The following AGRN variants were observed in gnomAD, a reference collection of about 807,000 sequenced individuals.
The protein encoded by AGRN is agrin proteoglycan.
A neutral mutation model predicts 211.0 loss-of-function variants in AGRN; 106 were observed. That is an observed-to-expected ratio of 0.50 (90% CI 0.43 to 0.59). The LOEUF is 0.59. Among genes scored for constraint, AGRN ranks in the 20% least tolerant of loss-of-function variants. AGRN has a pLI of 0.00. For missense variants in AGRN, 3,040 were observed against 2,982.6 expected, an observed-to-expected ratio of 1.02 and a Z score of -0.45; for synonymous variants, 1,525 against 1,332.5, an observed-to-expected ratio of 1.14 and a Z score of -3.15.
At position 1,054,527 on chromosome 1, in the gene AGRN, G is replaced by A. The variant is rs148685959; in HGVS notation, c.5956G>A (p.Asp1986Asn). The A allele has an allele frequency of 9.4e-6, 15 of 1,601,038 alleles. No homozygotes were observed. Among genetic ancestry groups the A allele is most frequent in the Middle Eastern group, 2.0e-4 (1 of 4,932 alleles). Residue 1986 changes from aspartate to asparagine, a missense_variant, in exon 35 of 36, where the codon GAC (aspartate) becomes AAC (asparagine). Physicochemically the swap from Asp to Asn is conservative, Grantham distance 23. Transcript: ENST00000379370. The stretch of plus-strand genomic sequence containing the variant: ...CTCCCCGCTGGGCGCCACGCAGCTG[G>A]ACACTGATGGAGCCCTGTGGCTTGG... ...GSSPLGATQLDTDGALWLGGL... is the reference protein window; with the variant it reads ...GSSPLGATQLNTDGALWLGGL...
rs757015120 is a variant in AGRN, at chr1:1,047,786, C to T, written c.3642C>T (p.Phe1214=). 8.8e-5 allele frequency: 141 copies of T among 1,607,402 alleles called. 1 individual carries two copies. Among genetic ancestry groups the T allele is most frequent in the Middle Eastern group, 1.7e-4 (1 of 6,052 alleles). ...CTCCCTCCTCCCCAGCCACAGCCTT[C>T]AGGGCACCCGACGTGGCCCGGGCCC... ...VDVHFDPTTA[F]RAPDVARALL... Residue 1214 remains phenylalanine (F), a synonymous_variant, in exon 22 of 36, where the codon TTC becomes TTT. Transcript: ENST00000379370.
chr1:1,051,381 CG>C lies in AGRN; in HGVS notation c.5370+16del. ...GTGCCATCCAGCTGGTATGTGGGGG[CG>C]GGGCGTCCCAGCAGGGCCTCCGGGG... is the stretch of plus-strand genomic sequence containing the variant. On this transcript the variant is annotated intron_variant, in intron 31 of 35. Coordinates refer to ENST00000379370, the MANE Select transcript of AGRN (RefSeq NM_198576.4). 1.1e-6 allele frequency: 1 copy of C among 906,612 alleles called. No individual in the cohort carries two copies. 56.2% of individuals were successfully genotyped at this position (906,612 alleles called of 1,614,324 possible). A position where few individuals can be genotyped will look rare whatever the true frequency, so the allele number is the denominator to read the frequency against.
At chr1:1,052,791 T>C (rs1645343340) in intron 33 of AGRN, 1 of 152,212 alleles carries the variant, frequency 6.6e-6, no homozygotes, top group Non-Finnish European at 1.4e-5. Context: ...CATGGGTCCA[T>C]GTATGTGTGT....
chr1:1,025,090 G>A (rs1405422738), intron 2 of AGRN, among the ~76,000 whole-genome samples: 3 of 152,160 alleles, frequency 2.0e-5, no homozygotes, highest in East Asian at 1.9e-4. Context: ...ACTCCTGGCT[G>A]AGGGCCGGCC....
rs1645231844 is a variant in AGRN at position 1,050,019 on chromosome 1, G to A, written c.4861G>A (p.Gly1621Ser). ...GTGCGAGTGCCCCCTGGGGCGTGAG[G>A]GCACCTTCTGCCAGACAGGTCGGGG... The part of the protein sequence containing the change: ...AQCECPLGRE[G>S]TFCQTASGQD... The change falls in exon 27 of 36, where the codon GGC becomes AGC. Residue 1621 changes from glycine to serine, a missense_variant. Gly to Ser is a moderately conservative substitution (Grantham distance 56). Coordinates refer to ENST00000379370, the MANE Select transcript of AGRN (RefSeq NM_198576.4). 5 of 1,605,664 alleles carry A rather than the reference G, an allele frequency of 3.1e-6. No homozygotes were observed. Among genetic ancestry groups the A allele is most frequent in the African/African-American group, 1.3e-5 (1 of 74,698 alleles).
chr1:1,053,668 C>T (rs1645372400), intron 33 of AGRN, 85 bp from the exon 34 acceptor site: 1 of 1,508,062 alleles, frequency 6.6e-7, no homozygotes, highest in Non-Finnish European at 9.0e-7. Context: ...GTGGCCTCCG[C>T]AGCTGGGGCC....
intron 14 of AGRN, 92 bp from the exon 15 acceptor site, chr1:1,045,641 G>T: frequency 6.2e-7 from 1 of 1,608,652 alleles, no homozygotes; most frequent in Non-Finnish European, 8.5e-7. Flanking sequence ...GCTGGGGGCT[G>T]GGCAGAGCCA....
In AGRN at chr1:1,050,520, C is replaced by G. The variant is rs17160776; in HGVS notation, c.5070C>G (p.Phe1690Leu). ...AGAAGACGGACGGCAAGGGGGACTT[C>G]GTGTCGCTGGCACTGCGGGACCGCC... Reference protein sequence around the residue: ...NGQKTDGKGDFVSLALRDRRL... With the variant: ...NGQKTDGKGDLVSLALRDRRL... The change falls in exon 29 of 36, where the codon TTC (phenylalanine) becomes TTG (leucine). Residue 1690 changes from phenylalanine (F) to leucine (L), a missense_variant. Physicochemically the swap from Phe to Leu is conservative, Grantham distance 22. This residue lies in a region of AGRN where 1,537 missense variants were observed against 1,505.0 expected (regional missense o/e 1.02). Transcript: ENST00000379370. The G allele has an allele frequency of 6.2e-7, 1 of 1,612,708 alleles. No individual in the cohort carries two copies. The highest frequency in any genetic ancestry group is 1.3e-5 in the African/African-American group (1 of 74,878).
rs2710872 is a variant in AGRN at position 1,055,137 on chromosome 1, C to T, written c.*156C>T. 0.89 allele frequency: 1,087,929 copies of T among 1,228,496 alleles called. 482,475 individuals are homozygous for T. Among genetic ancestry groups the T allele is most frequent in the East Asian group, 1 (39,112 of 39,122 alleles). 76.1% of individuals were successfully genotyped at this position (1,228,496 alleles called of 1,614,324 possible). A position where few individuals can be genotyped will look rare whatever the true frequency, so the allele number is the denominator to read the frequency against. On this transcript the variant is annotated 3_prime_UTR_variant, in exon 36 of 36. Coordinates refer to ENST00000379370, the MANE Select transcript of AGRN (RefSeq NM_198576.4). ...GCCGTGCTGCAGACAGACCTAGTGC[C>T]GAGGGATGGACAGGCGAGGTGGCAG...
chr1:1,046,346 C>T (rs1282310903), intron 17 of AGRN, 51 bp from the exon 18 acceptor site: 4 of 1,605,080 alleles, frequency 2.5e-6, no homozygotes, highest in Non-Finnish European at 3.4e-6. Flanking sequence ...CGCCCTGAGC[C>T]ACCTGACCCT....
chr1:1,035,899 C>T (rs1217160340), intron 3 of AGRN, among the ~76,000 whole-genome samples: 1 of 152,080 alleles, frequency 6.6e-6, no homozygotes, highest in Non-Finnish European at 1.5e-5. Context: ...TGAGGTGGGG[C>T]CTGTCCTCCC....
rs200457562 is a variant in AGRN at position 1,045,277 on chromosome 1, A to G, written c.2371A>G (p.Ser791Gly). 6.2e-7 allele frequency: 1 copy of G among 1,611,732 alleles called. No individual in the cohort carries two copies. Among genetic ancestry groups the G allele is most frequent in the East Asian group, 2.2e-5 (1 of 44,852 alleles). ...ARGVGLAGCP[S>G]ACQCNPHGSY... is the part of the protein sequence containing the mutation. ...GGGCGTGGGCCTGGCTGGCTGCCCCAGTGAGTACCTGAGCTCAGCCCCGAC... is the reference window on the plus strand; with the variant it reads ...GGGCGTGGGCCTGGCTGGCTGCCCCGGTGAGTACCTGAGCTCAGCCCCGAC... The change falls in exon 13 of 36, where the codon AGT becomes GGT. Residue 791 changes from serine (S) to glycine (G), a missense_variant and splice_region_variant. Physicochemically the swap from Ser to Gly is moderately conservative, Grantham distance 56. Around this residue, in one of 3 missense-constraint regions of AGRN, gnomAD observed 1,498 missense variants for 1,457.8 expected, o/e 1.03. Transcript: ENST00000379370.
At chr1:1,039,203 G>A (rs1644869857) in intron 3 of AGRN, among the ~76,000 whole-genome samples, 1 of 152,190 alleles carries the variant, frequency 6.6e-6, no homozygotes, top group Admixed American at 6.5e-5. Context: ...CAGAAGAGGG[G>A]TGGGGGCACA....
chr1:1,044,311 C>T (rs1231134060), intron 11 of AGRN, 23 bp from the exon 12 acceptor site: 1 of 1,612,652 alleles, frequency 6.2e-7, no homozygotes, highest in Non-Finnish European at 8.5e-7. Flanking sequence ...GCTGCGGCCG[C>T]TCACACTGAC....
intron 3 of AGRN, among the ~76,000 whole-genome samples, chr1:1,039,807 G>A (rs1232816688): frequency 6.6e-6 from 1 of 152,078 alleles, no homozygotes; most frequent in African/African-American, 2.4e-5. Context: ...GTGGGGGGCC[G>A]GGGGATGCCC....
intron 12 of AGRN, among the ~76,000 whole-genome samples, chr1:1,044,706 A>G (rs1307973896): frequency 6.6e-6 from 1 of 152,144 alleles, no homozygotes; most frequent in Non-Finnish European, 1.5e-5. Flanking sequence ...CCGTGTGGGC[A>G]CTTTCTCTGC....
intron 17 of AGRN, 38 bp from the exon 18 acceptor site, chr1:1,046,359 C>T (rs1179855874): frequency 6.2e-7 from 1 of 1,601,174 alleles, no homozygotes; most frequent in Non-Finnish European, 8.5e-7. Flanking sequence ...CTGACCCTGT[C>T]CCAACCGGTC....
At position 1,050,277 on chromosome 1, in the gene AGRN, G is replaced by A. The variant is rs200051701; in HGVS notation, c.4924G>A (p.Gly1642Ser). 339 of 1,613,064 alleles carry A rather than the reference G, an allele frequency of 2.1e-4. No homozygotes were observed. Among genetic ancestry groups the A allele is most frequent in the Non-Finnish European group, 2.7e-4 (315 of 1,179,920 alleles). ...GSGPFLADFN[G>S]FSHLELRGLH... ...TGGGCCCTTCCTGGCTGACTTCAACGGCTTCTCCCACCTGGAGCTGAGAGG... is the reference window on the plus strand; with the variant it reads ...TGGGCCCTTCCTGGCTGACTTCAACAGCTTCTCCCACCTGGAGCTGAGAGG... The change falls in exon 28 of 36, where the codon GGC becomes AGC. Residue 1642 changes from glycine to serine, a missense_variant. By Grantham distance (56) the Gly-to-Ser change is moderately conservative. Coordinates refer to ENST00000379370, the MANE Select transcript of AGRN (RefSeq NM_198576.4).
intron 7 of AGRN, among the ~76,000 whole-genome samples, chr1:1,042,572 C>T (rs370380203): frequency 1.7e-4 from 26 of 152,238 alleles, no homozygotes; most frequent in African/African-American, 5.5e-4. Flanking sequence ...AGGCAGTGGC[C>T]GTCGTGTCCC....
Sources: gnomAD v4.1 joint callset for allele counts (sites outside exome capture counted in the v4.1 genomes callset) on GRCh38, gnomAD v4.1.1 for gene constraint, gnomAD v4.1.1 regional missense constraint, MANE v1.5 for transcripts, NCBI Gene and HGNC (gene_info 2026-07-23, HGNC 2026-07-21) for gene names.